PCSK2: variants seen among roughly 807,000 people sequenced by gnomAD.
PCSK2 encodes the protein neuroendocrine convertase 2.
Under a neutral mutation model 69.7 loss-of-function variants are expected in PCSK2, and 14 were observed. The observed-to-expected ratio is 0.20, with a 90% confidence interval of 0.13 to 0.31. The LOEUF (loss-of-function observed/expected upper bound fraction) is 0.31, where lower values mean the gene tolerates loss of function less well. PCSK2 is among the 10% of genes least tolerant of loss of function. The probability of loss-of-function intolerance (pLI) is 1.00; values close to 1 mark genes in which losing one functional copy is unlikely to be tolerated. For synonymous variants in PCSK2, 307 were observed against 320.7 expected (o/e 0.96, Z 0.46); for missense variants, 544 against 842.5 (o/e 0.65, Z 4.39).
chr20:17,298,527 G>A (rs561820027), intron 2 of PCSK2, among the ~76,000 whole-genome samples: 1 of 152,180 alleles, frequency 6.6e-6, no homozygotes, highest in Non-Finnish European at 1.5e-5. Context: ...AATGCCAATA[G>A]TGTTGAGGCA....
intron 7 of PCSK2, among the ~76,000 whole-genome samples, chr20:17,430,852 T>C (rs1022348653): frequency 1.3e-5 from 2 of 152,146 alleles, no homozygotes; most frequent in African/African-American, 2.4e-5. Context: ...AGGTAACTGG[T>C]TTTTGGAACA....
Position 17,453,706 on chromosome 20 carries a change from T to C in PCSK2, c.886-36T>C. The C allele has an allele frequency of 6.2e-7, 1 of 1,607,500 alleles. No homozygotes were observed. The highest frequency in any genetic ancestry group is 1.7e-5 in the Admixed American group (1 of 59,958). On this transcript the variant is annotated intron_variant, in intron 8 of 11. Coordinates refer to ENST00000262545, the MANE Select transcript of PCSK2 (RefSeq NM_002594.5). This position sits in a 1 kb window ranked among gnomAD's most constrained non-coding sequence, Gnocchi z 4.0. ...TCCCCTGCCCCCTCGCAGCCCAGGC[T>C]GTGGGTAGCGGCAGCGTCTCCCCTG...
At chr20:17,437,456 A>G (rs1316890724) in intron 8 of PCSK2, among the ~76,000 whole-genome samples, 1 of 152,128 alleles carries the variant, frequency 6.6e-6, no homozygotes, top group Non-Finnish European at 1.5e-5. Flanking sequence ...AGTGCTGCAT[A>G]GGGAGGGGAA....
chr20:17,403,442 G>A (rs371945218), intron 5 of PCSK2, among the ~76,000 whole-genome samples: 104 of 152,292 alleles, frequency 6.8e-4, no homozygotes, highest in African/African-American at 2.3e-3. Flanking sequence ...CATATTAGAC[G>A]CAAGTAGGCG....
chr20:17,310,538 G>A (rs963589903), intron 2 of PCSK2, among the ~76,000 whole-genome samples: 9 of 151,958 alleles, frequency 5.9e-5, no homozygotes, highest in Non-Finnish European at 8.8e-5. Context: ...GCCAATCCAT[G>A]CATGTGCAGT....
At chr20:17,363,327 G>T (rs1291657205) in intron 4 of PCSK2, among the ~76,000 whole-genome samples, 1 of 152,144 alleles carries the variant, frequency 6.6e-6, no homozygotes, top group African/African-American at 2.4e-5. Flanking sequence ...CTTCACGTAG[G>T]TACAAAGCAA....
chr20:17,289,909 T>C (rs770490560), intron 2 of PCSK2, among the ~76,000 whole-genome samples: 14 of 152,234 alleles, frequency 9.2e-5, no homozygotes, highest in Non-Finnish European at 2.9e-5. Flanking sequence ...CAAAATAAAT[T>C]CTCTTTTGTA....
At chr20:17,231,770 G>A (rs1394943074) in intron 1 of PCSK2, among the ~76,000 whole-genome samples, 1 of 152,154 alleles carries the variant, frequency 6.6e-6, no homozygotes, top group Non-Finnish European at 1.5e-5. Context: ...AGGCTGCTGG[G>A]TCCCATCTAG....
chr20:17,404,424 C>T (rs537906567), intron 5 of PCSK2, among the ~76,000 whole-genome samples: 2 of 152,212 alleles, frequency 1.3e-5, no homozygotes, highest in African/African-American at 2.4e-5. Context: ...AACTAGAGGA[C>T]GGTGACTCCT....
rs1343492040 is a variant in PCSK2 at position 17,227,316 on chromosome 20, G to A, written c.11G>A (p.Gly4Asp). The change falls in exon 1 of 12, where the codon GGT (glycine) becomes GAT (aspartate). Residue 4 changes from glycine to aspartate, a missense_variant. Gly to Asp is a moderately conservative substitution (Grantham distance 94). This residue lies in a region of PCSK2 where 157 missense variants were observed against 155.0 expected (regional missense o/e 1.01). Coordinates refer to ENST00000262545, the MANE Select transcript of PCSK2 (RefSeq NM_002594.5). Reference sequence around the variant, plus strand: ...CACTCCCAAAGAAGGATGAAGGGTGGTTGTGTCTCCCAGTGGAAGGCGGCC... The same window carrying A: ...CACTCCCAAAGAAGGATGAAGGGTGATTGTGTCTCCCAGTGGAAGGCGGCC... MKG[G>D]CVSQWKAAAG... The A allele has an allele frequency of 1.2e-6, 2 of 1,613,770 alleles. No individual in the cohort carries two copies. The highest frequency in any genetic ancestry group is 8.5e-7 in the Non-Finnish European group (1 of 1,179,974).
chr20:17,416,831 A>G (rs2032010184), intron 6 of PCSK2, among the ~76,000 whole-genome samples: 2 of 152,226 alleles, frequency 1.3e-5, no homozygotes, highest in African/African-American at 2.4e-5. Context: ...ATCACAGAAT[A>G]CTGTGCAGCC....
intron 8 of PCSK2, among the ~76,000 whole-genome samples, chr20:17,450,773 G>A (rs1036635113): frequency 2.0e-5 from 3 of 152,120 alleles, no homozygotes; most frequent in Admixed American, 6.5e-5. Context: ...CCTTTTATAA[G>A]GGCAGTAATC....
At chr20:17,393,142 A>G (rs938897875) in intron 5 of PCSK2, among the ~76,000 whole-genome samples, 1 of 152,164 alleles carries the variant, frequency 6.6e-6, no homozygotes, top group Non-Finnish European at 1.5e-5. Context: ...TGTCCCCAGA[A>G]TCAGATAAGG....
intron 8 of PCSK2, among the ~76,000 whole-genome samples, chr20:17,438,787 A>C (rs965359944): frequency 6.6e-6 from 1 of 152,256 alleles, no homozygotes; most frequent in Non-Finnish European, 1.5e-5. Context: ...TGACTAAGGC[A>C]GGAGCCTGTT....
intron 5 of PCSK2, among the ~76,000 whole-genome samples, chr20:17,381,302 C>T (rs1216910705): frequency 6.6e-6 from 1 of 152,228 alleles, no homozygotes; most frequent in Non-Finnish European, 1.5e-5. Flanking sequence ...ATGGTGAGGT[C>T]TGCACTTTCC....
intron 2 of PCSK2, among the ~76,000 whole-genome samples, chr20:17,293,363 C>T (rs1007070800): frequency 6.6e-6 from 1 of 152,188 alleles, no homozygotes; most frequent in African/African-American, 2.4e-5. Context: ...AACCTCCAGA[C>T]TAATGAATAA....
intron 2 of PCSK2, among the ~76,000 whole-genome samples, chr20:17,303,479 A>AT (rs1568593501): frequency 1.1e-4 from 5 of 44,658 alleles, no homozygotes; most frequent in African/African-American, 4.2e-4. Flanking sequence ...TATTATATAT[A>AT]ATATATATTA....
Position 17,252,395 on chromosome 20 carries a change from C to T in PCSK2, c.178-7845C>T, listed in dbSNP as rs564376767. On this transcript the variant is annotated intron_variant, in intron 1 of 11. Coordinates refer to ENST00000262545, the MANE Select transcript of PCSK2 (RefSeq NM_002594.5). ...TTGAAATAACCTCTCCTTTGGGTTTCCATAGCAGCTTGTGAATAACTCTGC... is the reference window on the plus strand; with the variant it reads ...TTGAAATAACCTCTCCTTTGGGTTTTCATAGCAGCTTGTGAATAACTCTGC... Among the ~76,000 whole-genome samples, 8 of 152,348 alleles carry T rather than the reference C, an allele frequency of 5.3e-5. No homozygotes were observed. In the South Asian group the frequency reaches 1.0e-3, roughly 20 times the overall value.
At chr20:17,373,786 A>C (rs1398883907) in intron 5 of PCSK2, among the ~76,000 whole-genome samples, 1 of 152,234 alleles carries the variant, frequency 6.6e-6, no homozygotes, top group Non-Finnish European at 1.5e-5. Flanking sequence ...AACTAAGAAT[A>C]AAATACTTGG....
Sources: gnomAD v4.1 joint callset for allele counts (sites outside exome capture counted in the v4.1 genomes callset) on GRCh38, gnomAD v4.1.1 for gene constraint, gnomAD v4.1.1 regional missense constraint, Gnocchi (gnomAD v3.1) non-coding constraint, MANE v1.5 for transcripts, NCBI Gene and HGNC (gene_info 2026-07-23, HGNC 2026-07-21) for gene names.